MYCBP2: variants seen among roughly 807,000 people sequenced by gnomAD.
MYCBP2 encodes MYC binding protein 2.
MYCBP2 carries 120 observed loss-of-function variants against 525.3 expected under a neutral mutation model. The ratio of observed to expected loss-of-function variants is 0.23; its 90% CI spans 0.20 to 0.27. MYCBP2 has a LOEUF of 0.27. MYCBP2 is among the 10% of genes least tolerant of loss of function. The pLI is 1.00. For missense variants in MYCBP2, 4,149 were observed against 5,657.1 expected (o/e 0.73, Z 8.55); for synonymous variants, 1,894 against 1,955.8 (o/e 0.97, Z 0.83).
rs138065722 is a variant in MYCBP2 at position 77,098,991 on chromosome 13, T to C, written c.8163A>G (p.Thr2721=). The change falls in exon 56 of 83, where the codon ACA becomes ACG. Residue 2721 remains threonine (T), a synonymous_variant. Transcript: ENST00000544440. ...CTGATGTAGAGGCTGGTTTAGAAGA[T>C]GTTGAGATGTTTCCTCGATCACCTG... ...NSKGDRGNIS[T]SSKPASTSGK... is the part of the protein sequence containing the mutation. The C allele has an allele frequency of 1.2e-6, 2 of 1,608,324 alleles. No homozygotes were observed. Among genetic ancestry groups the C allele is most frequent in the Non-Finnish European group, 1.7e-6 (2 of 1,179,382 alleles).
At chr13:77,180,445 T>A (rs542645032) in intron 33 of MYCBP2, 127 bp from the exon 34 acceptor site, 5 of 782,514 alleles carry the variant, frequency 6.4e-6, no homozygotes, top group Non-Finnish European at 1.0e-5. Context: ...TTTCTACAAA[T>A]CTTTCTGGTT....
intron 34 of MYCBP2, 72 bp from the exon 35 acceptor site, chr13:77,178,026 A>G: frequency 1.1e-6 from 1 of 919,482 alleles, no homozygotes; most frequent in Non-Finnish European, 1.8e-6. Flanking sequence ...GTTTCTAAGA[A>G]GTCTAATAAA....
chr13:77,243,722 A>G (rs2069321180), intron 16 of MYCBP2, 84 bp downstream of exon 16: 2 of 1,183,066 alleles, frequency 1.7e-6, no homozygotes, highest in Non-Finnish European at 1.2e-6. Flanking sequence ...TTATTAACAT[A>G]TATCTAAAAG....
intron 47 of MYCBP2, among the ~76,000 whole-genome samples, chr13:77,150,112 A>G (rs191134731): frequency 6.6e-6 from 1 of 152,320 alleles, no homozygotes; most frequent in Non-Finnish European, 1.5e-5. Flanking sequence ...AGATAACTAA[A>G]ACATCCAAAA....
intron 52 of MYCBP2, among the ~76,000 whole-genome samples, chr13:77,130,418 T>A (rs959548449): frequency 6.6e-6 from 1 of 151,864 alleles, no homozygotes; most frequent in Non-Finnish European, 1.5e-5. Flanking sequence ...TATATATATA[T>A]GGATATATAC....
At chr13:77,075,157 G>C (rs1368715718) in intron 68 of MYCBP2, among the ~76,000 whole-genome samples, 1 of 152,132 alleles carries the variant, frequency 6.6e-6, no homozygotes, top group Non-Finnish European at 1.5e-5. Flanking sequence ...GCAGTGAGCC[G>C]TGATCATACC....
At chr13:77,199,528 G>T (rs2062201690) in intron 26 of MYCBP2, among the ~76,000 whole-genome samples, 1 of 151,832 alleles carries the variant, frequency 6.6e-6, no homozygotes, top group Admixed American at 6.6e-5. Context: ...CTCCAACTGG[G>T]TGGAGCCCAC....
chr13:77,210,816 T>C (rs765650790), intron 23 of MYCBP2, among the ~76,000 whole-genome samples: 1 of 152,154 alleles, frequency 6.6e-6, no homozygotes, highest in Non-Finnish European at 1.5e-5. Context: ...ATAATTATAA[T>C]GATAATAGCA....
Position 77,097,890 on chromosome 13 carries a change from T to C in MYCBP2, c.9264A>G (p.Arg3088=), listed in dbSNP as rs775052426. The change falls in exon 56 of 83, where the codon AGA becomes AGG. Residue 3088 remains arginine (R), a synonymous_variant. Transcript: ENST00000544440. ...TEEKETKLKN[R]HSLEISSALN... ...GTGCAGATGATATTTCTAATGAATGTCTATTTTTTAACTTGGTTTCTTTTT... is the reference window on the plus strand; with the variant it reads ...GTGCAGATGATATTTCTAATGAATGCCTATTTTTTAACTTGGTTTCTTTTT... 1.9e-6 allele frequency: 3 copies of C among 1,612,796 alleles called. No individual in the cohort carries two copies. The South Asian group carries it at 3.3e-5, about 18-fold the overall frequency.
rs763254741 is a variant in MYCBP2, at chr13:77,045,070, C to T, written c.*308G>A. 1.6e-4 allele frequency: 64 copies of T among 411,224 alleles called. No homozygotes were observed. The highest frequency in any genetic ancestry group is 2.4e-4 in the Non-Finnish European group (56 of 233,088). The allele number at this position is 411,224 out of a possible 1,614,324, so 25.5% of individuals were successfully genotyped here. Reference sequence around the variant, plus strand: ...CATCGTTCTTAGTCCATGGGCATGGCGATTCTTTTATATCAATTATCTATA... The same window carrying T: ...CATCGTTCTTAGTCCATGGGCATGGTGATTCTTTTATATCAATTATCTATA... On this transcript the variant is annotated 3_prime_UTR_variant, in exon 83 of 83. Coordinates refer to ENST00000544440, the MANE Select transcript of MYCBP2 (RefSeq NM_015057.5).
chr13:77,308,526 C>T (rs556776508), intron 1 of MYCBP2, among the ~76,000 whole-genome samples: 2 of 152,196 alleles, frequency 1.3e-5, no homozygotes, highest in Non-Finnish European at 2.9e-5. Flanking sequence ...AGTACCTCTC[C>T]CACTGGATGA....
intron 17 of MYCBP2, among the ~76,000 whole-genome samples, chr13:77,235,488 G>C (rs994574105): frequency 6.6e-6 from 1 of 152,052 alleles, no homozygotes; most frequent in Non-Finnish European, 1.5e-5. Context: ...TGGAGCAAAA[G>C]TCTTGGGAAA....
At position 77,090,270 on chromosome 13, in the gene MYCBP2, A is replaced by G. The variant is rs775066932; in HGVS notation, c.10368-7T>C. 92 of 1,603,328 alleles carry G rather than the reference A, an allele frequency of 5.7e-5. No homozygotes were observed. Among genetic ancestry groups the G allele is most frequent in the Non-Finnish European group, 7.1e-5 (83 of 1,174,702 alleles). On this transcript the variant is annotated splice_region_variant and splice_polypyrimidine_tract_variant and intron_variant, in intron 59 of 82. Transcript: ENST00000544440. Reference sequence around the variant, plus strand: ...TATGGGACTGGTTTCTAAACTGTACATGGAACAATGCAACAGATACAAACT... The same window carrying G: ...TATGGGACTGGTTTCTAAACTGTACGTGGAACAATGCAACAGATACAAACT...
At chr13:77,275,774 A>T (rs1253327464) in intron 4 of MYCBP2, among the ~76,000 whole-genome samples, 1 of 152,214 alleles carries the variant, frequency 6.6e-6, no homozygotes, top group Non-Finnish European at 1.5e-5. Flanking sequence ...ACCTGAGGTC[A>T]GGAGTTTGAG....
intron 1 of MYCBP2, among the ~76,000 whole-genome samples, chr13:77,314,033 G>T (rs532755109): frequency 6.6e-6 from 1 of 152,164 alleles, no homozygotes; most frequent in East Asian, 1.9e-4. Context: ...AATGCAAGAG[G>T]AACTCTCATT....
chr13:77,131,851 G>A (rs1429796836), intron 52 of MYCBP2, among the ~76,000 whole-genome samples: 1 of 152,088 alleles, frequency 6.6e-6, no homozygotes, highest in Admixed American at 6.6e-5. Context: ...GCAACTCTAA[G>A]CTGATAATCT....
At chr13:77,278,454 T>C (rs942643834) in intron 4 of MYCBP2, among the ~76,000 whole-genome samples, 1 of 152,198 alleles carries the variant, frequency 6.6e-6, no homozygotes, top group African/African-American at 2.4e-5. Context: ...ACCCCTGCTG[T>C]TTCCGTACCA....
chr13:77,045,782 A>G (rs1459821353), intron 82 of MYCBP2, among the ~76,000 whole-genome samples: 4 of 152,210 alleles, frequency 2.6e-5, no homozygotes, highest in African/African-American at 9.7e-5. Flanking sequence ...TAATAAATGC[A>G]TCAGATATAT....
At position 77,151,794 on chromosome 13, in the gene MYCBP2, T is replaced by A. The variant is rs1247296228; in HGVS notation, c.6916-845A>T. Among the ~76,000 whole-genome samples, 3 of 152,238 alleles carry A rather than the reference T, an allele frequency of 2.0e-5. No individual in the cohort carries two copies. In the East Asian group the frequency reaches 5.8e-4, roughly 29 times the overall value. ...TCTACTAACTACTATTTCTGAAAAA[T>A]ACTTTTTAGAAATATTTCCCAGAAA... On this transcript the variant is annotated intron_variant, in intron 46 of 82. Coordinates refer to ENST00000544440, the MANE Select transcript of MYCBP2 (RefSeq NM_015057.5).
Sources: allele counts gnomAD v4.1 joint callset (sites outside exome capture counted in the v4.1 genomes callset), GRCh38; gene constraint gnomAD v4.1.1; transcripts MANE v1.5; gene names NCBI Gene and HGNC (gene_info 2026-07-23, HGNC 2026-07-21).